Variants in ECRG4 observed in about 807,000 individuals in gnomAD.
ECRG4 encodes augurin.
ECRG4 carries 18 observed loss-of-function variants against 15.8 expected under a neutral mutation model. The observed-to-expected ratio is 1.14, with a 90% CI of 0.79 to 1.69. The LOEUF (loss-of-function observed/expected upper bound fraction) is 1.69. Ranked by LOEUF, ECRG4 falls within the 40% of genes most tolerant of loss-of-function variation. ECRG4 has a pLI of 0.00. For synonymous variants in ECRG4, 82 were observed against 73.9 expected (o/e 1.11, Z -0.56); for missense variants, 200 against 190.9 (o/e 1.05, Z -0.28).
chr2:106,070,852 T>G lies in ECRG4; in HGVS notation c.80-992T>G, dbSNP rs1017026470. The G allele has an allele frequency of 1.3e-5, 6 of 468,252 alleles. No individual in the cohort carries two copies. The Admixed American group carries it at 1.4e-4, about 11-fold the overall frequency. The allele number at this position is 468,252 out of a possible 1,614,324, so 29.0% of individuals were successfully genotyped here. A position where few individuals can be genotyped will look rare whatever the true frequency, so the allele number is the denominator to read the frequency against. ...ACCCTGCTGAGAAAGTGGTCACCAT[T>G]ACCTCCATCCTGGGGCCTGACTCCA... On this transcript the variant is annotated intron_variant, in intron 1 of 3. Coordinates refer to ENST00000238044, the MANE Select transcript of ECRG4 (RefSeq NM_032411.3).
At chr2:106,075,632 G>A (rs1206077969) in intron 3 of ECRG4, among the ~76,000 whole-genome samples, 2 of 152,192 alleles carry the variant, frequency 1.3e-5, no homozygotes, top group Non-Finnish European at 2.9e-5. Flanking sequence ...TGAGACAGGA[G>A]AATCCTTCGA....
chr2:106,069,864 T>C (rs1676324471), intron 1 of ECRG4, among the ~76,000 whole-genome samples: 1 of 152,170 alleles, frequency 6.6e-6, no homozygotes, highest in Non-Finnish European at 1.5e-5. Context: ...TTTTTAAGTA[T>C]CCTTTATTAA....
At chr2:106,073,217 T>C (rs1234908869) in intron 2 of ECRG4, among the ~76,000 whole-genome samples, 2 of 152,092 alleles carry the variant, frequency 1.3e-5, no homozygotes, top group African/African-American at 4.8e-5. Flanking sequence ...CCTGCGGAAG[T>C]GGTTCCATTT....
chr2:106,064,724 C>T (rs1035228637), upstream of ECRG4, among the ~76,000 whole-genome samples: 4 of 152,172 alleles, frequency 2.6e-5, no homozygotes, highest in African/African-American at 4.8e-5. Flanking sequence ...AAGAGGTAAT[C>T]AGCTCAGTTC....
In ECRG4 at chr2:106,077,976, G is replaced by A. The variant is rs374372871; in HGVS notation, c.*50G>A. On this transcript the variant is annotated 3_prime_UTR_variant, in exon 4 of 4. Coordinates refer to ENST00000238044, the MANE Select transcript of ECRG4 (RefSeq NM_032411.3). ...AGAAGCAAATAGCGATTCTCTTCAT[G>A]TATCTCCTAATGCCTTACACTACTT... 61 of 1,571,956 alleles carry A rather than the reference G, an allele frequency of 3.9e-5. No homozygotes were observed. The African/African-American group carries it at 8.0e-4, about 21-fold the overall frequency.
At chr2:106,073,666 C>A (rs962616262) in intron 2 of ECRG4, among the ~76,000 whole-genome samples, 4 of 152,180 alleles carry the variant, frequency 2.6e-5, no homozygotes, top group Non-Finnish European at 5.9e-5. Flanking sequence ...TTAGTCCATG[C>A]CCCTTTATAG....
At chr2:106,075,923 T>C (rs1038874442) in intron 3 of ECRG4, among the ~76,000 whole-genome samples, 2 of 152,236 alleles carry the variant, frequency 1.3e-5, no homozygotes, top group Non-Finnish European at 2.9e-5. Flanking sequence ...TTCTCTCACA[T>C]ACAGATTTTA....
chr2:106,067,247 G>A (rs527321355), intron 1 of ECRG4, among the ~76,000 whole-genome samples: 6 of 151,916 alleles, frequency 3.9e-5, no homozygotes, highest in South Asian at 2.1e-4. Flanking sequence ...AGCTGAGATC[G>A]TGCCATTGCA....
At chr2:106,075,755 G>A (rs1485793537) in intron 3 of ECRG4, among the ~76,000 whole-genome samples, 1 of 151,984 alleles carries the variant, frequency 6.6e-6, no homozygotes, top group Non-Finnish European at 1.5e-5. Flanking sequence ...TTAACATGCA[G>A]AAACTACTCA....
chr2:106,076,570 G>A (rs1558658852), intron 3 of ECRG4, among the ~76,000 whole-genome samples: 1 of 152,130 alleles, frequency 6.6e-6, no homozygotes, highest in Non-Finnish European at 1.5e-5. Context: ...CACCAAGAGT[G>A]GATGACCACT....
At chr2:106,071,337 A>G (rs967369579) in intron 1 of ECRG4, among the ~76,000 whole-genome samples, 1 of 117,968 alleles carries the variant, frequency 8.5e-6, no homozygotes. Context: ...AAAAAAAAAA[A>G]AAAAAAAAAA....
chr2:106,077,723 A>T (rs991407960), intron 3 of ECRG4, 42 bp from the exon 4 acceptor site: 1 of 1,588,072 alleles, frequency 6.3e-7, no homozygotes, highest in Non-Finnish European at 8.6e-7. Context: ...GGACTGCATG[A>T]CCTTAAATCC....
chr2:106,068,565 T>C (rs943064278), intron 1 of ECRG4, among the ~76,000 whole-genome samples: 6 of 152,200 alleles, frequency 3.9e-5, no homozygotes, highest in Admixed American at 3.9e-4. Flanking sequence ...GACATACATT[T>C]GCTGCAAGAA....
At chr2:106,065,155 T>A (rs900254045), upstream of ECRG4, among the ~76,000 whole-genome samples, 1 of 152,068 alleles carries the variant, frequency 6.6e-6, no homozygotes, top group African/African-American at 2.4e-5. Flanking sequence ...GCCTAAGGCA[T>A]CCTTAAGAGC....
intron 3 of ECRG4, among the ~76,000 whole-genome samples, chr2:106,076,986 A>C (rs1272888333): frequency 1.3e-5 from 2 of 152,214 alleles, no homozygotes; most frequent in African/African-American, 2.4e-5. Flanking sequence ...AAATGTATTA[A>C]TAGCCAAGAT....
upstream of ECRG4, among the ~76,000 whole-genome samples, chr2:106,064,938 G>T (rs1366830797): frequency 6.6e-6 from 1 of 152,004 alleles, no homozygotes; most frequent in South Asian, 2.1e-4. Context: ...CGTTTCCCTT[G>T]GGTCTCACCT....
chr2:106,074,419 G>C (rs1676440303), intron 3 of ECRG4, among the ~76,000 whole-genome samples: 1 of 152,168 alleles, frequency 6.6e-6, no homozygotes. Context: ...CTTGAAGACT[G>C]TCAGAAACAA....
chr2:106,065,692 C>G lies in ECRG4; in HGVS notation c.-73C>G. ...CGGCCGCGCCTGCCCGCTCGCACCC[C>G]TCTCCCGCGCCCGGTTCTCCCTCGC... is the stretch of plus-strand genomic sequence containing the variant. On this transcript the variant is annotated 5_prime_UTR_variant, in exon 1 of 4. Coordinates refer to ENST00000238044, the MANE Select transcript of ECRG4 (RefSeq NM_032411.3). The G allele has an allele frequency of 8.9e-6, 11 of 1,236,934 alleles. No homozygotes were observed. The highest frequency in any genetic ancestry group is 1.2e-5 in the Non-Finnish European group (11 of 933,698). The allele number at this position is 1,236,934 out of a possible 1,614,324, so 76.6% of individuals were successfully genotyped here. A position where few individuals can be genotyped will look rare whatever the true frequency, so the allele number is the denominator to read the frequency against.
intron 1 of ECRG4, among the ~76,000 whole-genome samples, chr2:106,068,325 G>A (rs141032916): frequency 6.6e-6 from 1 of 152,258 alleles, no homozygotes; most frequent in African/African-American, 2.4e-5. Context: ...AACAACTGAT[G>A]ATATTGGGTG....
Sources: allele counts gnomAD v4.1 joint callset (sites outside exome capture counted in the v4.1 genomes callset), GRCh38; gene constraint gnomAD v4.1.1; transcripts MANE v1.5; gene names NCBI Gene and HGNC (gene_info 2026-07-23, HGNC 2026-07-21).